The following CLDN10 variants were observed in gnomAD, a reference collection of about 807,000 sequenced individuals.
CLDN10 encodes the protein claudin 10.
In CLDN10, 15 loss-of-function variants were observed where a neutral mutation model predicts 22.9. The ratio of observed to expected loss-of-function variants is 0.65; its 90% CI spans 0.44 to 1.01. The LOEUF is 1.01. Among genes scored for constraint, CLDN10 ranks in the 50% least tolerant of loss-of-function variants. The probability of loss-of-function intolerance (pLI) is 0.00; values close to 1 mark genes in which losing one functional copy is unlikely to be tolerated. For missense variants in CLDN10, 247 were observed against 287.8 expected, an observed-to-expected ratio of 0.86 and a Z score of 1.03; for synonymous variants, 114 against 111.4, an observed-to-expected ratio of 1.02 and a Z score of -0.15.
At chr13:95,469,094 T>C (rs181697694) in intron 1 of CLDN10, among the ~76,000 whole-genome samples, 54 of 151,808 alleles carry the variant, frequency 3.6e-4, no homozygotes, top group African/African-American at 1.3e-3. Context: ...CAGATTTCTT[T>C]ACAGTTTTTT....
chr13:95,532,688 C>T (rs569706411), intron 1 of CLDN10, among the ~76,000 whole-genome samples: 1 of 147,282 alleles, frequency 6.8e-6, no homozygotes, highest in Admixed American at 7.0e-5. Flanking sequence ...CAAGAATGTT[C>T]ATAGCAGCTT....
At chr13:95,475,346 T>C (rs1391910728) in intron 1 of CLDN10, among the ~76,000 whole-genome samples, 2 of 152,190 alleles carry the variant, frequency 1.3e-5, no homozygotes, top group African/African-American at 2.4e-5. Flanking sequence ...CCAGAGACTG[T>C]AACCAGCCCG....
intron 3 of CLDN10, among the ~76,000 whole-genome samples, chr13:95,567,100 G>A (rs2043797090): frequency 6.6e-6 from 1 of 152,142 alleles, no homozygotes; most frequent in Admixed American, 6.5e-5. Context: ...TCTTGGCTAT[G>A]TGGGCTCTCT....
At chr13:95,556,255 AG>A (rs2043638329) in intron 1 of CLDN10, among the ~76,000 whole-genome samples, 1 of 152,096 alleles carries the variant, frequency 6.6e-6, no homozygotes, top group Non-Finnish European at 1.5e-5. Context: ...CATGTTGGCC[AG>A]GCTGGTCTTG....
intron 1 of CLDN10, among the ~76,000 whole-genome samples, chr13:95,500,121 C>T (rs2042969564): frequency 6.6e-6 from 1 of 152,172 alleles, no homozygotes; most frequent in Non-Finnish European, 1.5e-5. Context: ...CTGCTATGTG[C>T]CAGGCACTGT....
chr13:95,575,286 T>C (rs1271109485), intron 3 of CLDN10, among the ~76,000 whole-genome samples: 3 of 152,260 alleles, frequency 2.0e-5, no homozygotes, highest in Non-Finnish European at 2.9e-5. Context: ...TTTTCAGTTA[T>C]GCTCATTCCT....
At chr13:95,545,367 A>C (rs1384332787) in intron 1 of CLDN10, among the ~76,000 whole-genome samples, 1 of 151,840 alleles carries the variant, frequency 6.6e-6, no homozygotes, top group African/African-American at 2.4e-5. Flanking sequence ...AACATGGAGA[A>C]ACCCTGTCTC....
intron 1 of CLDN10, among the ~76,000 whole-genome samples, chr13:95,516,661 TCTC>T (rs1262989912): frequency 5.3e-5 from 8 of 152,170 alleles, no homozygotes; most frequent in African/African-American, 1.9e-4. Flanking sequence ...CAGAGATCCT[TCTC>T]CTGCTGCAAG....
Position 95,459,541 on chromosome 13 carries a change from CA to C in CLDN10, c.214+25496del, listed in dbSNP as rs1386016174. Reference sequence around the variant, plus strand: ...GGCTTGGGACTTGCACCCTCTGAAACAATGGTCTGCGCTGTACATTGGCCCA... The same window carrying C: ...GGCTTGGGACTTGCACCCTCTGAAACATGGTCTGCGCTGTACATTGGCCCA... On this transcript the variant is annotated intron_variant, in intron 1 of 4. Coordinates refer to the CLDN10 transcript ENST00000376873. Among the ~76,000 whole-genome samples the C allele has an allele frequency of 2.0e-5, 3 of 152,264 alleles. No individual in the cohort carries two copies. The East Asian group carries it at 5.8e-4, about 29-fold the overall frequency.
intron 1 of CLDN10, among the ~76,000 whole-genome samples, chr13:95,451,699 C>T (rs1594527760): frequency 1.3e-5 from 2 of 152,200 alleles, no homozygotes; most frequent in African/African-American, 2.4e-5. Flanking sequence ...AGACAGGGAT[C>T]CAACAACTTC....
At chr13:95,538,621 A>T (rs866096149) in intron 1 of CLDN10, among the ~76,000 whole-genome samples, 8 of 152,278 alleles carry the variant, frequency 5.3e-5, no homozygotes, top group Middle Eastern at 3.4e-3. Flanking sequence ...CTCACGCTGC[A>T]TCTTGGCCAG....
At chr13:95,446,930 A>G (rs984929323) in intron 1 of CLDN10, among the ~76,000 whole-genome samples, 2 of 152,214 alleles carry the variant, frequency 1.3e-5, no homozygotes, top group Non-Finnish European at 2.9e-5. Flanking sequence ...AGAAGCCCAC[A>G]GTGTATGCCA....
chr13:95,486,868 C>G (rs1213982950), intron 1 of CLDN10, among the ~76,000 whole-genome samples: 1 of 152,132 alleles, frequency 6.6e-6, no homozygotes, highest in Non-Finnish European at 1.5e-5. Context: ...CAACATGGTG[C>G]CTGATACTTG....
At chr13:95,525,645 C>T (rs946599539) in intron 1 of CLDN10, among the ~76,000 whole-genome samples, 2 of 152,088 alleles carry the variant, frequency 1.3e-5, no homozygotes, top group African/African-American at 2.4e-5. Flanking sequence ...GCGTGCACCA[C>T]CGCGCCCAGC....
intron 1 of CLDN10, among the ~76,000 whole-genome samples, chr13:95,505,514 G>A (rs2043028711): frequency 6.6e-6 from 1 of 152,154 alleles, no homozygotes; most frequent in South Asian, 2.1e-4. Flanking sequence ...TTCAGCCCAG[G>A]CCAAGTCCCT....
intron 1 of CLDN10, among the ~76,000 whole-genome samples, chr13:95,553,245 G>T (rs1222792718): frequency 1.3e-5 from 2 of 152,170 alleles, no homozygotes; most frequent in Non-Finnish European, 2.9e-5. Flanking sequence ...AGGCGTCGGG[G>T]GATGGGGAAG....
chr13:95,442,081 G>A (rs1442120066), intron 1 of CLDN10, among the ~76,000 whole-genome samples: 2 of 152,164 alleles, frequency 1.3e-5, no homozygotes, highest in Non-Finnish European at 2.9e-5. Context: ...AGCCAGGGAG[G>A]TCAAGGCTGC....
intron 1 of CLDN10, among the ~76,000 whole-genome samples, chr13:95,467,070 G>T (rs2042587987): frequency 1.3e-5 from 2 of 150,998 alleles, no homozygotes; most frequent in Non-Finnish European, 2.9e-5. Flanking sequence ...GCAGAGATGG[G>T]GTTTCACCAT....
chr13:95,467,079 A>T (rs908007627), intron 1 of CLDN10, among the ~76,000 whole-genome samples: 1 of 149,926 alleles, frequency 6.7e-6, no homozygotes, highest in South Asian at 2.1e-4. Flanking sequence ...GGGTTTCACC[A>T]TGTTAGCCAG....
Sources: allele counts gnomAD v4.1 joint callset (sites outside exome capture counted in the v4.1 genomes callset), GRCh38; gene constraint gnomAD v4.1.1; transcripts MANE v1.5; gene names NCBI Gene and HGNC (gene_info 2026-07-23, HGNC 2026-07-21).